COL3A1: variants seen among roughly 807,000 people sequenced by gnomAD.
COL3A1 encodes the protein collagen type III alpha 1 chain, also known as collagen alpha-1(III) chain.
In COL3A1, 46 loss-of-function variants were observed where a neutral mutation model predicts 200.9. The ratio of observed to expected loss-of-function variants is 0.23; its 90% CI spans 0.18 to 0.29. The LOEUF (loss-of-function observed/expected upper bound fraction) is 0.29. Among genes scored for constraint, COL3A1 ranks in the 10% least tolerant of loss-of-function variants. COL3A1 has a pLI of 1.00. For synonymous variants in COL3A1, 650 were observed against 628.0 expected, an observed-to-expected ratio of 1.03 and a Z score of -0.52; for missense variants, 1,367 against 1,917.6, an observed-to-expected ratio of 0.71 and a Z score of 5.36.
chr2:189,009,907 T>C (rs922003355), intron 48 of COL3A1, among the ~76,000 whole-genome samples: 7 of 152,182 alleles, frequency 4.6e-5, no homozygotes, highest in African/African-American at 2.4e-5. Context: ...GGAGAGACTT[T>C]TGCAAATATT....
Position 188,994,105 on chromosome 2 carries a change from C to T in COL3A1, c.1194+23C>T, listed in dbSNP as rs1312567916. ...ATGGTAAGCTGTCCCCACTCCTCAG[C>T]CTTATCTCATCCACACATTACTGGC... On this transcript the variant is annotated intron_variant, in intron 17 of 50. Transcript: ENST00000304636. This position sits in a 1 kb window ranked among gnomAD's most constrained non-coding sequence, Gnocchi z 4.5. 1.9e-6 allele frequency: 3 copies of T among 1,614,012 alleles called. No homozygotes were observed. The highest frequency in any genetic ancestry group is 1.1e-5 in the South Asian group (1 of 91,072).
At chr2:188,974,620 CCT>C (rs1361657597) in intron 1 of COL3A1, 52 bp downstream of exon 1, 1 of 1,459,490 alleles carries the variant, frequency 6.9e-7, no homozygotes, top group African/African-American at 1.4e-5. Flanking sequence ...TCTTTCTTCT[CCT>C]CACAAAGAGG....
chr2:189,007,999 A>T, intron 46 of COL3A1, 36 bp from the exon 47 acceptor site: 2 of 1,613,920 alleles, frequency 1.2e-6, no homozygotes, highest in Non-Finnish European at 1.7e-6. Flanking sequence ...TTTCAGAAAG[A>T]TATTCTGGCA....
At chr2:189,006,139 A>C in intron 41 of COL3A1, 67 bp from the exon 42 acceptor site, 1 of 1,515,710 alleles carries the variant, frequency 6.6e-7, no homozygotes, top group Non-Finnish European at 9.1e-7. Flanking sequence ...CCTGCTGAGA[A>C]TGCATGGATG....
intron 10 of COL3A1, 122 bp from the exon 11 acceptor site, chr2:188,990,882 T>C: frequency 3.2e-6 from 3 of 951,728 alleles, no homozygotes; most frequent in South Asian, 1.4e-5. Flanking sequence ...TTTTAAATTA[T>C]TTAAGCTAAT....
intron 15 of COL3A1, 82 bp from the exon 16 acceptor site, chr2:188,993,279 T>C: frequency 8.6e-7 from 1 of 1,165,000 alleles, no homozygotes; most frequent in Non-Finnish European, 1.3e-6. Context: ...TTGGGAGATG[T>C]GTTTAAACAG....
chr2:188,997,643 C>G (rs1255438707), intron 26 of COL3A1, 57 bp from the exon 27 acceptor site: 2 of 1,541,708 alleles, frequency 1.3e-6, no homozygotes, highest in Non-Finnish European at 1.8e-6. Context: ...GAAATGGATA[C>G]TGTAGACTAA....
At position 188,974,450 on chromosome 2, in the gene COL3A1, C is replaced by G. The variant is rs759925433; in HGVS notation, c.-40C>G. On this transcript the variant is annotated 5_prime_UTR_variant, in exon 1 of 51. Coordinates refer to ENST00000304636, the MANE Select transcript of COL3A1 (RefSeq NM_000090.4). ...TGCTACTTTGAACTGCTTTTCTTTTCTCCTTTTTGCACAAAGAGTCTCATG... is the reference window on the plus strand; with the variant it reads ...TGCTACTTTGAACTGCTTTTCTTTTGTCCTTTTTGCACAAAGAGTCTCATG... 3.3e-6 allele frequency: 5 copies of G among 1,532,340 alleles called. No homozygotes were observed. In the African/African-American group the frequency reaches 6.8e-5, roughly 21 times the overall value. The allele number at this position is 1,532,340 out of a possible 1,614,324, so 94.9% of individuals were successfully genotyped here.
intron 5 of COL3A1, among the ~76,000 whole-genome samples, chr2:188,987,366 ACC>A (rs1025854952): frequency 2.6e-5 from 4 of 151,630 alleles, no homozygotes; most frequent in Admixed American, 1.3e-4. Context: ...AAAAAAAAAA[ACC>A]AAAGTCAACA....
In COL3A1 at chr2:189,011,668, G is replaced by A. The variant is rs772428340; in HGVS notation, c.4295G>A (p.Arg1432Gln). The change falls in exon 51 of 51, where the codon CGA (arginine) becomes CAA (glutamine). Residue 1432 changes from arginine to glutamine, a missense_variant. Arg to Gln is a conservative substitution (Grantham distance 43). This residue lies in a region of COL3A1 where 846 missense variants were observed against 1,147.9 expected (regional missense o/e 0.74). Transcript: ENST00000304636. Reference sequence around the variant, plus strand: ...TGGAGCAAAACAGTCTTTGAATATCGAACACGCAAGGCTGTGAGACTACCT... The same window carrying A: ...TGGAGCAAAACAGTCTTTGAATATCAAACACGCAAGGCTGTGAGACTACCT... ...GEWSKTVFEYRTRKAVRLPIV... is the reference protein window; with the variant it reads ...GEWSKTVFEYQTRKAVRLPIV... The A allele has an allele frequency of 5.6e-6, 9 of 1,613,868 alleles. No individual in the cohort carries two copies. Among genetic ancestry groups the A allele is most frequent in the East Asian group, 2.2e-5 (1 of 44,862 alleles).
chr2:188,996,879 C>G (rs552590643), intron 24 of COL3A1, among the ~76,000 whole-genome samples: 1 of 152,148 alleles, frequency 6.6e-6, no homozygotes, highest in Admixed American at 6.5e-5. Flanking sequence ...ATCCTAGCTA[C>G]CCAGGAGGCT....
At chr2:188,984,240 A>G (rs1179989865) in intron 1 of COL3A1, among the ~76,000 whole-genome samples, 1 of 152,022 alleles carries the variant, frequency 6.6e-6, no homozygotes, top group African/African-American at 2.4e-5. Context: ...AAGTTCTGTT[A>G]AAACTTTCCC....
rs779214140 is a variant in COL3A1, at chr2:188,984,915, A to G, written c.235A>G (p.Ile79Val). The stretch of plus-strand genomic sequence containing the variant: ...AGAATTAGACTGCCCCAACCCAGAA[A>G]TTCCATTTGGAGAATGTTGTGCAGT... ...DQELDCPNPE[I>V]PFGECCAVCP... The change falls in exon 2 of 51, where the codon ATT (isoleucine) becomes GTT (valine). Residue 79 changes from isoleucine (I) to valine (V), a missense_variant. Transcript: ENST00000304636. 9 of 1,613,160 alleles carry G rather than the reference A, an allele frequency of 5.6e-6. No homozygotes were observed. The highest frequency in any genetic ancestry group is 7.6e-6 in the Non-Finnish European group (9 of 1,179,412).
At chr2:189,001,287 A>C (rs2153503210) in intron 32 of COL3A1, 110 bp from the exon 33 acceptor site, 1 of 1,074,970 alleles carries the variant, frequency 9.3e-7, no homozygotes, top group Non-Finnish European at 1.4e-6. Context: ...ATTTTTAAAA[A>C]GTATGTTATC....
chr2:188,988,399 G>T (rs765712959), intron 6 of COL3A1, among the ~76,000 whole-genome samples, 191 bp from the exon 7 acceptor site: 102 of 152,024 alleles, frequency 6.7e-4, no homozygotes, highest in Non-Finnish European at 1.9e-4. Flanking sequence ...ATTCAGTTTT[G>T]ATGGATTGCA....
chr2:188,991,624 C>T (rs1688191631), intron 12 of COL3A1, 45 bp from the exon 13 acceptor site: 11 of 1,611,018 alleles, frequency 6.8e-6, no homozygotes, highest in Non-Finnish European at 9.3e-6. Flanking sequence ...TGTTCTTACA[C>T]ATGTCAAGAT....
At position 189,005,549 on chromosome 2, in the gene COL3A1, A is replaced by AT. The variant is rs1688566763; in HGVS notation, c.3039+93dup. On this transcript the variant is annotated intron_variant, in intron 41 of 50. Coordinates refer to ENST00000304636, the MANE Select transcript of COL3A1 (RefSeq NM_000090.4). ...TGAGCTTTAATGTCTAAGAGTGTAAATATGGCCACATAGCAAAGTTCTTCT... is the reference window on the plus strand; with the variant it reads ...TGAGCTTTAATGTCTAAGAGTGTAAATTATGGCCACATAGCAAAGTTCTTCT... 1.0e-5 allele frequency: 10 copies of AT among 963,256 alleles called. 1 individual carries two copies. In the South Asian group the frequency reaches 1.3e-4, roughly 13 times the overall value. 59.7% of individuals were successfully genotyped at this position (963,256 alleles called of 1,614,324 possible).
intron 43 of COL3A1, 84 bp from the exon 44 acceptor site, chr2:189,006,853 A>T (rs1488850650): frequency 7.5e-7 from 1 of 1,331,552 alleles, no homozygotes; most frequent in African/African-American, 1.4e-5. Flanking sequence ...TTATAATGAA[A>T]TTATTTACTT....
intron 34 of COL3A1, 37 bp downstream of exon 34, chr2:189,001,626 C>A: frequency 6.2e-7 from 1 of 1,609,656 alleles, no homozygotes. Flanking sequence ...ACTTTTTAAC[C>A]CCATACAGAC....
Sources: allele counts gnomAD v4.1 joint callset (sites outside exome capture counted in the v4.1 genomes callset), GRCh38; gene constraint gnomAD v4.1.1; regional missense constraint gnomAD v4.1.1; non-coding constraint Gnocchi (gnomAD v3.1); transcripts MANE v1.5; gene names NCBI Gene and HGNC (gene_info 2026-07-23, HGNC 2026-07-21).